GRM7: variants seen among roughly 807,000 people sequenced by gnomAD.
The protein encoded by GRM7 is metabotropic glutamate receptor 7.
Under a neutral mutation model 84.5 loss-of-function variants are expected in GRM7, and 35 were observed. That is an observed-to-expected ratio of 0.41 (90% CI 0.32 to 0.55). GRM7 has a LOEUF of 0.55. Among genes scored for constraint, GRM7 ranks in the 20% least tolerant of loss-of-function variants. GRM7 has a pLI of 0.19. For missense variants in GRM7, 1,003 were observed against 1,194.6 expected, an observed-to-expected ratio of 0.84 and a Z score of 2.36; for synonymous variants, 487 against 455.1, an observed-to-expected ratio of 1.07 and a Z score of -0.89.
chr3:7,149,172 T>G (rs1444611735), intron 2 of GRM7, among the ~76,000 whole-genome samples: 2 of 152,166 alleles, frequency 1.3e-5, no homozygotes, highest in Non-Finnish European at 2.9e-5. Context: ...CAAACACCCC[T>G]TCTTTTCAAT....
At chr3:7,366,508 T>G (rs1275264234) in intron 4 of GRM7, among the ~76,000 whole-genome samples, 10 of 151,928 alleles carry the variant, frequency 6.6e-5, no homozygotes, top group African/African-American at 2.4e-4. Flanking sequence ...TTAATTAAGA[T>G]TTAAGAAATA....
chr3:7,300,933 G>T (rs757131437), intron 3 of GRM7, among the ~76,000 whole-genome samples: 7 of 152,144 alleles, frequency 4.6e-5, no homozygotes, highest in Non-Finnish European at 7.3e-5. Flanking sequence ...GGACATAGTA[G>T]CTCAATAAAT....
chr3:7,061,146 G>T (rs1697422424), intron 1 of GRM7, among the ~76,000 whole-genome samples: 1 of 151,742 alleles, frequency 6.6e-6, no homozygotes, highest in East Asian at 1.9e-4. Flanking sequence ...AAGATTTGGG[G>T]TATATAAGAT....
intron 7 of GRM7, among the ~76,000 whole-genome samples, chr3:7,538,326 G>C (rs1171605354): frequency 6.6e-6 from 1 of 152,084 alleles, no homozygotes; most frequent in Non-Finnish European, 1.5e-5. Flanking sequence ...TGGCCAGCCT[G>C]GTCTCAAACT....
chr3:6,973,340 G>A (rs1003460594), intron 1 of GRM7, among the ~76,000 whole-genome samples: 4 of 151,922 alleles, frequency 2.6e-5, no homozygotes, highest in South Asian at 2.1e-4. Context: ...TCTTAGCACC[G>A]ATCTCAGTAC....
At chr3:7,515,664 G>C (rs960426430) in intron 7 of GRM7, among the ~76,000 whole-genome samples, 7 of 152,146 alleles carry the variant, frequency 4.6e-5, no homozygotes, top group Non-Finnish European at 1.0e-4. Context: ...GTATAGCAAA[G>C]GAAGGTACCT....
chr3:7,456,861 T>C lies in GRM7; in HGVS notation c.1375+4054T>C, dbSNP rs566466614. On this transcript the variant is annotated intron_variant, in intron 6 of 9. Coordinates refer to ENST00000357716, the MANE Select transcript of GRM7 (RefSeq NM_000844.4). Reference sequence around the variant, plus strand: ...AAAGTTTTGTAAAGCAAAGAAGCTGTGCTAAATTTAATCAGTGGGTCCTAT... The same window carrying C: ...AAAGTTTTGTAAAGCAAAGAAGCTGCGCTAAATTTAATCAGTGGGTCCTAT... 2.6e-5 allele frequency among the ~76,000 whole-genome samples: 4 copies of C among 152,240 alleles called. No individual in the cohort carries two copies. In the South Asian group the frequency reaches 8.3e-4, roughly 32 times the overall value.
intron 9 of GRM7, among the ~76,000 whole-genome samples, chr3:7,734,411 A>G (rs960238048): frequency 1.3e-5 from 2 of 152,250 alleles, no homozygotes; most frequent in Admixed American, 6.5e-5. Context: ...AGAAGTGAGT[A>G]AATGTTAAAG....
At chr3:7,008,113 GCGT>G (rs386658052) in intron 1 of GRM7, among the ~76,000 whole-genome samples, 4 of 10,494 alleles carry the variant, frequency 3.8e-4, no homozygotes, top group Non-Finnish European at 3.0e-3. Context: ...CAATGAGAAT[GCGT>G]TTTTTTTTTA....
intron 9 of GRM7, among the ~76,000 whole-genome samples, chr3:7,733,905 C>A (rs61582687): frequency 6.6e-6 from 1 of 152,158 alleles, no homozygotes; most frequent in African/African-American, 2.4e-5. Context: ...GCCCCTTCCA[C>A]TGAAAAGCCT....
chr3:7,005,192 A>C (rs1388806456), intron 1 of GRM7, among the ~76,000 whole-genome samples: 1 of 152,190 alleles, frequency 6.6e-6, no homozygotes, highest in Non-Finnish European at 1.5e-5. Flanking sequence ...ACAGCCATTA[A>C]GGACCATGGG....
chr3:7,641,068 T>G lies in GRM7; in HGVS notation c.2452-38981T>G, dbSNP rs143590855. Among the ~76,000 whole-genome samples the G allele has an allele frequency of 4.9e-3, 750 of 152,308 alleles. 6 individuals carry two copies. Among genetic ancestry groups the G allele is most frequent in the Non-Finnish European group, 7.4e-3 (502 of 68,008 alleles). Reference sequence around the variant, plus strand: ...AGATGGTTGTTGACTCAATCTAAACTGAATAAATTAATCATTAACCAATTT... The same window carrying G: ...AGATGGTTGTTGACTCAATCTAAACGGAATAAATTAATCATTAACCAATTT... On this transcript the variant is annotated intron_variant, in intron 8 of 9. Transcript: ENST00000357716.
At chr3:7,063,122 C>T (rs951641964) in intron 1 of GRM7, among the ~76,000 whole-genome samples, 8 of 151,580 alleles carry the variant, frequency 5.3e-5, no homozygotes, top group Admixed American at 1.3e-4. Flanking sequence ...TAAACATGCC[C>T]ACTGTTGCCT....
At chr3:7,084,104 T>C (rs1396516666) in intron 1 of GRM7, among the ~76,000 whole-genome samples, 1 of 151,920 alleles carries the variant, frequency 6.6e-6, no homozygotes, top group African/African-American at 2.4e-5. Flanking sequence ...AGCAGAGGAG[T>C]AACAAAGTTT....
chr3:7,589,794 C>G (rs1348827594), intron 8 of GRM7, among the ~76,000 whole-genome samples: 1 of 152,178 alleles, frequency 6.6e-6, no homozygotes, highest in African/African-American at 2.4e-5. Flanking sequence ...ATCAGTCTAG[C>G]TGATGCAGAA....
chr3:7,368,538 G>A (rs138825484), intron 4 of GRM7, among the ~76,000 whole-genome samples: 2 of 152,114 alleles, frequency 1.3e-5, no homozygotes, highest in African/African-American at 4.8e-5. Flanking sequence ...GATTGCTTTA[G>A]CATTCACTGT....
chr3:6,949,508 T>A (rs995760144), intron 1 of GRM7, among the ~76,000 whole-genome samples: 3 of 152,038 alleles, frequency 2.0e-5, no homozygotes, highest in Non-Finnish European at 4.4e-5. Flanking sequence ...TCATTTCAAC[T>A]TTGGTGAATC....
intron 1 of GRM7, among the ~76,000 whole-genome samples, chr3:7,045,460 A>G (rs1471760144): frequency 3.3e-5 from 5 of 152,186 alleles, no homozygotes; most frequent in South Asian, 2.1e-4. Context: ...AACTGTGGTA[A>G]TAATGCTGTG....
chr3:7,160,631 AG>A (rs1189439840), intron 2 of GRM7, among the ~76,000 whole-genome samples: 1 of 152,136 alleles, frequency 6.6e-6, no homozygotes. Context: ...AGACTGAGAA[AG>A]GAGTTAGATT....
Sources: allele counts gnomAD v4.1 joint callset (sites outside exome capture counted in the v4.1 genomes callset), GRCh38; gene constraint gnomAD v4.1.1; transcripts MANE v1.5; gene names NCBI Gene and HGNC (gene_info 2026-07-23, HGNC 2026-07-21).